The following SMIM14 variants were observed in gnomAD, a reference collection of about 807,000 sequenced individuals.
The protein encoded by SMIM14 is small integral membrane protein 14, also known as chromosome 4 open reading frame 34.
A neutral mutation model predicts 12.6 loss-of-function variants in SMIM14; 5 were observed. The ratio of observed to expected loss-of-function variants is 0.40; its 90% CI spans 0.21 to 0.83. The LOEUF (loss-of-function observed/expected upper bound fraction) is 0.83. Ranked by LOEUF, SMIM14 falls within the 40% of genes least tolerant of loss-of-function variation. SMIM14 has a pLI of 0.37. For missense variants in SMIM14, 86 were observed against 119.1 expected (o/e 0.72, Z 1.29); for synonymous variants, 30 against 40.1 (o/e 0.75, Z 0.95).
chr4:39,629,294 G>A (rs1715819917), intron 1 of SMIM14, among the ~76,000 whole-genome samples: 1 of 148,114 alleles, frequency 6.8e-6, no homozygotes, highest in Non-Finnish European at 1.5e-5. Flanking sequence ...CCAGGAAGCA[G>A]AGGTTGCAGC....
intron 3 of SMIM14, among the ~76,000 whole-genome samples, chr4:39,562,452 G>C (rs529412909): frequency 9.3e-4 from 141 of 152,138 alleles, no homozygotes; most frequent in African/African-American, 3.0e-3. Flanking sequence ...GATCAATGTG[G>C]TAACTCAGTT....
At chr4:39,625,063 CA>C (rs1208214656) in intron 1 of SMIM14, among the ~76,000 whole-genome samples, 1 of 149,446 alleles carries the variant, frequency 6.7e-6, no homozygotes, top group Non-Finnish European at 1.5e-5. Context: ...AAAAAAAAGA[CA>C]AAAGTTAGCT....
At chr4:39,628,877 T>C (rs1400656992) in intron 1 of SMIM14, among the ~76,000 whole-genome samples, 1 of 150,576 alleles carries the variant, frequency 6.6e-6, no homozygotes, top group Non-Finnish European at 1.5e-5. Context: ...GGATTACAGG[T>C]GCGTGCCATC....
chr4:39,627,670 G>A (rs1431995343), intron 1 of SMIM14, among the ~76,000 whole-genome samples: 1 of 152,170 alleles, frequency 6.6e-6, no homozygotes, highest in Non-Finnish European at 1.5e-5. Flanking sequence ...TGGAGTGTGT[G>A]TGTTCCACTG....
At chr4:39,584,500 A>AAAAAAAAAAAAAAAAAAAAAAAAAAAAC in intron 2 of SMIM14, among the ~76,000 whole-genome samples, 1 of 142,380 alleles carries the variant, frequency 7.0e-6, no homozygotes, top group Non-Finnish European at 1.5e-5. Context: ...AAAAAAAAAA[A>AAAAAAAAAAAAAAAAAAAAAAAAAAAAC]AAAAAGACAA....
At chr4:39,618,742 C>T (rs544192169) in intron 1 of SMIM14, among the ~76,000 whole-genome samples, 1 of 151,506 alleles carries the variant, frequency 6.6e-6, no homozygotes, top group Non-Finnish European at 1.5e-5. Flanking sequence ...ACTGACTACA[C>T]TTCCCAAGCA....
chr4:39,630,637 G>C lies in SMIM14; in HGVS notation c.-36+8102C>G, dbSNP rs556642128. Among the ~76,000 whole-genome samples the C allele has an allele frequency of 1.3e-4, 20 of 152,222 alleles. No homozygotes were observed. The East Asian group carries it at 3.9e-3, about 29-fold the overall frequency. On this transcript the variant is annotated intron_variant, in intron 1 of 4. Transcript: ENST00000295958. ...AGCACTTTGGGAAGCCAAGGCAGGC[G>C]AATCACCTGAGGCCTGGAGCTCAAG... is the stretch of plus-strand genomic sequence containing the variant.
intron 1 of SMIM14, among the ~76,000 whole-genome samples, chr4:39,635,260 C>A (rs1716048192): frequency 6.6e-6 from 1 of 152,132 alleles, no homozygotes. Flanking sequence ...ACTCACATGG[C>A]CAGGCTCCAG....
At chr4:39,613,368 C>T (rs1331444121) in intron 1 of SMIM14, among the ~76,000 whole-genome samples, 1 of 152,232 alleles carries the variant, frequency 6.6e-6, no homozygotes, top group East Asian at 1.9e-4. Context: ...AATAGTGCTA[C>T]ACTTCTGTGG....
chr4:39,630,322 C>T (rs1715853141), intron 1 of SMIM14, among the ~76,000 whole-genome samples: 1 of 152,168 alleles, frequency 6.6e-6, no homozygotes, highest in Non-Finnish European at 1.5e-5. Context: ...GGGAGGATAA[C>T]TTGAGCCCAG....
At chr4:39,634,328 C>T (rs1038681271) in intron 1 of SMIM14, among the ~76,000 whole-genome samples, 2 of 152,156 alleles carry the variant, frequency 1.3e-5, no homozygotes, top group Admixed American at 6.5e-5. Context: ...GGACAGAAAA[C>T]ACTATCCTGT....
At position 39,556,567 on chromosome 4, in the gene SMIM14, G is replaced by A. The variant is rs370566309; in HGVS notation, c.128C>T (p.Pro43Leu). The A allele has an allele frequency of 3.1e-6, 5 of 1,589,654 alleles. No homozygotes were observed. Among genetic ancestry groups the A allele is most frequent in the African/African-American group, 2.7e-5 (2 of 73,674 alleles). Residue 43 changes from proline (P) to leucine (L), a missense_variant, in exon 4 of 5, where the codon CCG becomes CTG. By Grantham distance (98) the Pro-to-Leu change is moderately conservative (BLOSUM62 -3). Coordinates refer to ENST00000295958, the MANE Select transcript of SMIM14 (RefSeq NM_174921.3). ...GATGCCATTATCACCAGAGGGTCCC[G>A]GTACTAAAGACAAACAAAAAATGTA... is the stretch of plus-strand genomic sequence containing the variant. ...CTDTECLQEL[P>L]GPSGDNGISV...
In SMIM14 at chr4:39,611,139, A is replaced by G. The variant is rs1578355908; in HGVS notation, c.-35-5959T>C. On this transcript the variant is annotated intron_variant, in intron 1 of 4. Transcript: ENST00000295958. The stretch of plus-strand genomic sequence containing the variant: ...GCGAAGATTACATTCACAGGAAAAT[A>G]CAGAACCAATAAGCAAATAAAAAAT... 4.6e-5 allele frequency among the ~76,000 whole-genome samples: 7 copies of G among 152,360 alleles called. No homozygotes were observed. The South Asian group carries it at 1.4e-3, about 32-fold the overall frequency.
chr4:39,588,018 T>C (rs1270452963), intron 2 of SMIM14: 1 of 152,218 alleles, frequency 6.6e-6, no homozygotes, highest in Non-Finnish European at 1.5e-5. Context: ...CTGACAATAC[T>C]AGCTAAGGTT....
chr4:39,623,587 C>T (rs533794620), intron 1 of SMIM14, among the ~76,000 whole-genome samples: 20 of 152,276 alleles, frequency 1.3e-4, no homozygotes, highest in South Asian at 4.1e-4. Flanking sequence ...AGGCCGGGCG[C>T]GGTGGCTCAT....
intron 1 of SMIM14, among the ~76,000 whole-genome samples, chr4:39,630,585 G>C (rs1444932665): frequency 6.6e-6 from 1 of 152,010 alleles, no homozygotes; most frequent in Non-Finnish European, 1.5e-5. Flanking sequence ...TATTGGGCCA[G>C]GCGCGGTGGC....
chr4:39,634,258 C>T (rs1382822123), intron 1 of SMIM14, among the ~76,000 whole-genome samples: 1 of 152,154 alleles, frequency 6.6e-6, no homozygotes, highest in African/African-American at 2.4e-5. Context: ...TCTGTCTGTG[C>T]AACTTCAGGC....
chr4:39,591,089 T>G (rs1372605797), intron 2 of SMIM14, among the ~76,000 whole-genome samples: 1 of 152,146 alleles, frequency 6.6e-6, no homozygotes, highest in African/African-American at 2.4e-5. Flanking sequence ...AGTATTTACA[T>G]ACAATCTATG....
chr4:39,580,471 C>A (rs190991278), intron 2 of SMIM14, among the ~76,000 whole-genome samples: 1 of 152,114 alleles, frequency 6.6e-6, no homozygotes, highest in East Asian at 1.9e-4. Context: ...TAAACCAACA[C>A]ACCCAGCCAA....
Sources: allele counts gnomAD v4.1 joint callset (sites outside exome capture counted in the v4.1 genomes callset), GRCh38; gene constraint gnomAD v4.1.1; transcripts MANE v1.5; gene names NCBI Gene and HGNC (gene_info 2026-07-23, HGNC 2026-07-21).